Variants in NEK7 observed in about 807,000 individuals in gnomAD.
The protein encoded by NEK7 is serine/threonine-protein kinase Nek7.
NEK7 carries 18 observed loss-of-function variants against 44.6 expected under a neutral mutation model. That is an observed-to-expected ratio of 0.40 (90% CI 0.28 to 0.60). The LOEUF (loss-of-function observed/expected upper bound fraction) is 0.60. Among genes scored for constraint, NEK7 ranks in the 20% least tolerant of loss-of-function variants. NEK7 has a pLI of 0.38. For missense variants in NEK7, 256 were observed against 366.5 expected (o/e 0.70, Z 2.46); for synonymous variants, 130 against 121.1 (o/e 1.07, Z -0.48).
chr1:198,190,749 T>C (rs1490837467), intron 1 of NEK7, among the ~76,000 whole-genome samples: 1 of 152,090 alleles, frequency 6.6e-6, no homozygotes, highest in Non-Finnish European at 1.5e-5. Context: ...CTTTTTTATT[T>C]CTACCGTTAT....
chr1:198,180,759 A>G (rs55658822), intron 1 of NEK7, among the ~76,000 whole-genome samples: 22,594 of 152,004 alleles, frequency 0.15, 1,852 homozygotes, highest in East Asian at 0.22. Context: ...TTACTTTGAG[A>G]AAACAAATTC....
chr1:198,177,541 G>T (rs997753209), intron 1 of NEK7, among the ~76,000 whole-genome samples: 2 of 152,074 alleles, frequency 1.3e-5, no homozygotes, highest in Non-Finnish European at 1.5e-5. Flanking sequence ...AAAGGGACAT[G>T]TTTGTACAAA....
At chr1:198,264,005 C>A in intron 4 of NEK7, 120 bp from the exon 5 acceptor site, 1 of 989,716 alleles carries the variant, frequency 1.0e-6, no homozygotes, top group Non-Finnish European at 1.4e-6. Context: ...AGTATACTGT[C>A]ATGTTAAGAT....
chr1:198,294,479 T>C lies in NEK7; in HGVS notation c.684+1440T>C, dbSNP rs569834983. Among the ~76,000 whole-genome samples the C allele has an allele frequency of 1.9e-3, 296 of 152,224 alleles. 1 individual carries two copies. Among genetic ancestry groups the C allele is most frequent in the African/African-American group, 6.9e-3 (287 of 41,562 alleles). On this transcript the variant is annotated intron_variant, in intron 8 of 9. Coordinates refer to ENST00000367385, the MANE Select transcript of NEK7 (RefSeq NM_133494.3). ...GTCTAATATTATCAAAGCAACATATTCTCTTCAAATCCCTAAAAGTAAACA... is the reference window on the plus strand; with the variant it reads ...GTCTAATATTATCAAAGCAACATATCCTCTTCAAATCCCTAAAAGTAAACA...
chr1:198,259,623 G>A (rs1438268657), intron 3 of NEK7, among the ~76,000 whole-genome samples: 2 of 151,900 alleles, frequency 1.3e-5, no homozygotes, highest in East Asian at 3.9e-4. Context: ...CAAGTAGTCT[G>A]TGTGTGTGTG....
At chr1:198,230,561 C>T (rs971964641) in intron 1 of NEK7, among the ~76,000 whole-genome samples, 1 of 151,920 alleles carries the variant, frequency 6.6e-6, no homozygotes, top group Admixed American at 6.6e-5. Context: ...AAATGTATAG[C>T]TAACATAATA....
intron 3 of NEK7, among the ~76,000 whole-genome samples, chr1:198,261,193 C>T (rs905513474): frequency 7.9e-5 from 12 of 151,994 alleles, no homozygotes; most frequent in African/African-American, 2.9e-4. Flanking sequence ...TCTAATACTA[C>T]ACTTTGTACA....
Position 198,248,693 on chromosome 1 carries a change from T to TGACAGTTTG in NEK7, c.58-4343_58-4335dup, listed in dbSNP as rs1367961347. Among the ~76,000 whole-genome samples, 3 of 152,290 alleles carry TGACAGTTTG rather than the reference T, an allele frequency of 2.0e-5. No individual in the cohort carries two copies. In the East Asian group the frequency reaches 5.8e-4, roughly 29 times the overall value. ...GTTAACAGGTGTTTCATGCATTAGT[T>TGACAGTTTG]GACAGTTTGGACTAAATGATTATGT... is the stretch of plus-strand genomic sequence containing the variant. On this transcript the variant is annotated intron_variant, in intron 2 of 9. Coordinates refer to ENST00000367385, the MANE Select transcript of NEK7 (RefSeq NM_133494.3).
In NEK7 at chr1:198,243,591, TG is replaced by T. The variant is rs543789380; in HGVS notation, c.58-9447del. On this transcript the variant is annotated intron_variant, in intron 2 of 9. Coordinates refer to ENST00000367385, the MANE Select transcript of NEK7 (RefSeq NM_133494.3). ...CATTTGGATGTAGTAATTATTATGC[TG>T]GTAATTTAACTAATGATAATTAAAT... Among the ~76,000 whole-genome samples the T allele has an allele frequency of 6.6e-5, 10 of 152,322 alleles. No homozygotes were observed. In the South Asian group the frequency reaches 2.1e-3, roughly 32 times the overall value.
At chr1:198,283,921 C>T (rs1341029455) in intron 7 of NEK7, among the ~76,000 whole-genome samples, 1 of 152,132 alleles carries the variant, frequency 6.6e-6, no homozygotes, top group Non-Finnish European at 1.5e-5. Flanking sequence ...AGGTCTGCAG[C>T]GCCTTCATGC....
rs1466833124 is a variant in NEK7 at position 198,321,280 on chromosome 1, A to G, written c.*1758A>G. The G allele has an allele frequency of 6.6e-6, 1 of 152,170 alleles. No individual in the cohort carries two copies. Among genetic ancestry groups the G allele is most frequent in the African/African-American group, 2.4e-5 (1 of 41,444 alleles). 9.4% of individuals were successfully genotyped at this position (152,170 alleles called of 1,614,324 possible). ...ATTTTATTTTGGAATAGGTAAAGGA[A>G]ACCTGTTTTGTTTGTTTTTCCTGAG... On this transcript the variant is annotated 3_prime_UTR_variant, in exon 10 of 10. Coordinates refer to ENST00000367385, the MANE Select transcript of NEK7 (RefSeq NM_133494.3).
chr1:198,178,712 T>TGTC (rs1359373014), intron 1 of NEK7, among the ~76,000 whole-genome samples: 1 of 151,914 alleles, frequency 6.6e-6, no homozygotes, highest in African/African-American at 2.4e-5. Flanking sequence ...TTGTTGTTGT[T>TGTC]GTCATGGAAT....
rs200292330 is a variant in NEK7, at chr1:198,242,629, T to G, written c.57+9992T>G. ...GGCGTGCGCTACTACACCCTGCTAGTTTTTTTGTATTTTTAGTACGGACGG... is the reference window on the plus strand; with the variant it reads ...GGCGTGCGCTACTACACCCTGCTAGGTTTTTTGTATTTTTAGTACGGACGG... On this transcript the variant is annotated intron_variant, in intron 2 of 9. Coordinates refer to ENST00000367385, the MANE Select transcript of NEK7 (RefSeq NM_133494.3). 2.6e-5 allele frequency among the ~76,000 whole-genome samples: 4 copies of G among 151,442 alleles called. No individual in the cohort carries two copies. The East Asian group carries it at 7.8e-4, about 30-fold the overall frequency.
At chr1:198,208,923 G>A (rs1304220701) in intron 1 of NEK7, among the ~76,000 whole-genome samples, 1 of 151,934 alleles carries the variant, frequency 6.6e-6, no homozygotes, top group East Asian at 1.9e-4. Flanking sequence ...GAAAAAACAT[G>A]CTTAGATGTT....
chr1:198,236,219 G>A (rs992876200), intron 2 of NEK7, among the ~76,000 whole-genome samples: 7 of 152,110 alleles, frequency 4.6e-5, no homozygotes, highest in African/African-American at 1.7e-4. Context: ...TCTTTGTGAA[G>A]TAAGTGTCAT....
At chr1:198,298,649 T>A (rs1166030176) in intron 9 of NEK7, among the ~76,000 whole-genome samples, 3 of 152,144 alleles carry the variant, frequency 2.0e-5, no homozygotes, top group Non-Finnish European at 4.4e-5. Context: ...TAATGCAAAA[T>A]GATAGCAAGA....
intron 5 of NEK7, among the ~76,000 whole-genome samples, chr1:198,276,226 T>C (rs566365860): frequency 6.6e-6 from 1 of 151,880 alleles, no homozygotes; most frequent in South Asian, 2.1e-4. Context: ...TTTTTTATAA[T>C]GGTATTTAAA....
At chr1:198,317,152 C>T (rs1339367874) in intron 9 of NEK7, among the ~76,000 whole-genome samples, 2 of 152,146 alleles carry the variant, frequency 1.3e-5, no homozygotes, top group Non-Finnish European at 1.5e-5. Flanking sequence ...TTTCACATAT[C>T]TGATTTTATA....
At chr1:198,260,897 T>A (rs1003996332) in intron 3 of NEK7, among the ~76,000 whole-genome samples, 1 of 149,110 alleles carries the variant, frequency 6.7e-6, no homozygotes, top group Non-Finnish European at 1.5e-5. Context: ...TAAAATTCTT[T>A]AAGGCAGTGA....
Sources: gnomAD v4.1 joint callset for allele counts (sites outside exome capture counted in the v4.1 genomes callset) on GRCh38, gnomAD v4.1.1 for gene constraint, MANE v1.5 for transcripts, NCBI Gene and HGNC (gene_info 2026-07-23, HGNC 2026-07-21) for gene names.